Variants in TMEM50B observed in about 807,000 individuals in gnomAD.
The protein encoded by TMEM50B is HCV p7-trans-regulated protein 3.
Under a neutral mutation model 23.4 loss-of-function variants are expected in TMEM50B, and 14 were observed. The ratio of observed to expected loss-of-function variants is 0.60; its 90% CI spans 0.39 to 0.93. The LOEUF is 0.93. TMEM50B is among the 40% of genes least tolerant of loss of function. The pLI, the probability that TMEM50B is intolerant of heterozygous loss-of-function variation, is 0.00. For synonymous variants in TMEM50B, 64 were observed against 62.3 expected (o/e 1.03, Z -0.13); for missense variants, 159 against 193.0 (o/e 0.82, Z 1.04).
intron 1 of TMEM50B, among the ~76,000 whole-genome samples, chr21:33,476,847 T>C (rs2084378062): frequency 6.6e-6 from 1 of 151,954 alleles, no homozygotes; most frequent in African/African-American, 2.4e-5. Flanking sequence ...CTGTTTATAT[T>C]ATCTACTTGA....
At chr21:33,442,088 C>CT (rs1400783772) in intron 7 of TMEM50B, among the ~76,000 whole-genome samples, 3 of 152,170 alleles carry the variant, frequency 2.0e-5, no homozygotes, top group South Asian at 2.1e-4. Context: ...AGTCACATCT[C>CT]TGAGGCGCCC....
intron 7 of TMEM50B, among the ~76,000 whole-genome samples, chr21:33,441,157 A>T (rs1255712733): frequency 6.6e-6 from 1 of 151,618 alleles, no homozygotes; most frequent in Non-Finnish European, 1.5e-5. Context: ...TTGAACCCAC[A>T]AGGTGGAAGT....
intron 4 of TMEM50B, among the ~76,000 whole-genome samples, chr21:33,462,866 C>T (rs971538086): frequency 2.0e-5 from 3 of 152,184 alleles, no homozygotes; most frequent in African/African-American, 4.8e-5. Flanking sequence ...TAAGCGCGAT[C>T]GCATGCGCAT....
intron 4 of TMEM50B, among the ~76,000 whole-genome samples, chr21:33,463,842 C>T (rs758848183): frequency 6.6e-6 from 1 of 152,146 alleles, no homozygotes; most frequent in Non-Finnish European, 1.5e-5. Context: ...CACTCGAGCC[C>T]AGGCTGTTGA....
chr21:33,476,109 T>C (rs1326142539), intron 1 of TMEM50B, among the ~76,000 whole-genome samples: 1 of 152,120 alleles, frequency 6.6e-6, no homozygotes, highest in Admixed American at 6.5e-5. Flanking sequence ...AAAGAATATA[T>C]AGAGCCAGGC....
At chr21:33,436,878 C>T in intron 8 of TMEM50B, 2 of 1,613,956 alleles carry the variant, frequency 1.2e-6, no homozygotes, top group Non-Finnish European at 8.5e-7. Context: ...ACAAGGACAG[C>T]TCACCAAAGG....
intron 8 of TMEM50B, among the ~76,000 whole-genome samples, chr21:33,434,924 G>A (rs946503199): frequency 3.9e-5 from 6 of 152,098 alleles, no homozygotes; most frequent in African/African-American, 1.4e-4. Context: ...GAAAACACAG[G>A]CCTGTCAGTT....
At chr21:33,440,947 T>A (rs2084003172) in intron 7 of TMEM50B, among the ~76,000 whole-genome samples, 1 of 152,018 alleles carries the variant, frequency 6.6e-6, no homozygotes, top group Non-Finnish European at 1.5e-5. Flanking sequence ...AATGGACTTC[T>A]GGCAGGGCAC....
chr21:33,466,488 A>G, intron 3 of TMEM50B, among the ~76,000 whole-genome samples: 1 of 152,070 alleles, frequency 6.6e-6, no homozygotes, highest in Non-Finnish European at 1.5e-5. Context: ...TAGCACATTA[A>G]AAAAAATAAA....
chr21:33,471,447 G>C (rs1403798904), intron 1 of TMEM50B, among the ~76,000 whole-genome samples: 1 of 152,112 alleles, frequency 6.6e-6, no homozygotes, highest in African/African-American at 2.4e-5. Context: ...AAATGACTCA[G>C]ATATTGAAAT....
intron 8 of TMEM50B, chr21:33,437,283 T>G (rs1181559244): frequency 3.2e-6 from 1 of 310,212 alleles, no homozygotes; most frequent in African/African-American, 2.2e-5. Context: ...TTTTTCATTA[T>G]TGGTTGGGCT....
intron 8 of TMEM50B, chr21:33,437,233 T>C (rs1226037874): frequency 1.2e-5 from 5 of 422,002 alleles, no homozygotes; most frequent in Non-Finnish European, 2.2e-5. Flanking sequence ...AGGCATGTAA[T>C]TGCTTGTTAG....
intron 6 of TMEM50B, 102 bp downstream of exon 6, chr21:33,455,625 A>G (rs2084161860): frequency 2.0e-6 from 2 of 1,012,632 alleles, no homozygotes; most frequent in Admixed American, 3.9e-5. Context: ...TATCATTGTA[A>G]CCAATCCATG....
intron 1 of TMEM50B, among the ~76,000 whole-genome samples, chr21:33,477,396 C>CA (rs1429231468): frequency 6.6e-6 from 1 of 151,932 alleles, no homozygotes; most frequent in Non-Finnish European, 1.5e-5. Flanking sequence ...AATATAATAC[C>CA]CTCCTAGGGA....
chr21:33,433,464 C>CCA (rs2083910462), intron 8 of TMEM50B, among the ~76,000 whole-genome samples: 1 of 152,198 alleles, frequency 6.6e-6, no homozygotes, highest in African/African-American at 2.4e-5. Context: ...ACACATCCTA[C>CCA]CACACACATG....
intron 1 of TMEM50B, among the ~76,000 whole-genome samples, chr21:33,475,937 G>A (rs2084365934): frequency 1.3e-5 from 2 of 150,958 alleles, no homozygotes; most frequent in African/African-American, 4.9e-5. Context: ...CTGGGCAGCA[G>A]AGCCCCCTCT....
intron 8 of TMEM50B, among the ~76,000 whole-genome samples, chr21:33,438,197 T>A (rs1389552980): frequency 6.6e-6 from 1 of 152,112 alleles, no homozygotes; most frequent in Non-Finnish European, 1.5e-5. Context: ...GACCAGAGGA[T>A]CATTTGAGCC....
intron 4 of TMEM50B, among the ~76,000 whole-genome samples, chr21:33,463,754 C>CA (rs1259860148): frequency 6.6e-6 from 1 of 151,956 alleles, no homozygotes; most frequent in Non-Finnish European, 1.5e-5. Context: ...CCTGTCTCTA[C>CA]AAAAAATAAA....
intron 6 of TMEM50B, among the ~76,000 whole-genome samples, chr21:33,454,490 G>A (rs1376950202): frequency 6.6e-6 from 1 of 151,920 alleles, no homozygotes; most frequent in South Asian, 2.1e-4. Flanking sequence ...TATTAGAGAT[G>A]GGGTTTCACC....
Sources: gnomAD v4.1 joint callset for allele counts (sites outside exome capture counted in the v4.1 genomes callset) on GRCh38, gnomAD v4.1.1 for gene constraint, MANE v1.5 for transcripts, NCBI Gene and HGNC (gene_info 2026-07-23, HGNC 2026-07-21) for gene names.